Variants in AGBL1 observed in about 807,000 individuals in gnomAD.
The protein encoded by AGBL1 is cytosolic carboxypeptidase 4.
AGBL1 carries 130 observed loss-of-function variants against 118.9 expected under a neutral mutation model. The observed-to-expected ratio is 1.09, with a 90% CI of 0.95 to 1.26. AGBL1 has a LOEUF of 1.26. AGBL1 is among the 50% of genes most tolerant of loss of function. The pLI is 0.00. For missense variants in AGBL1, 1,584 were observed against 1,298.1 expected, an observed-to-expected ratio of 1.22 and a Z score of -3.38; for synonymous variants, 555 against 478.9, an observed-to-expected ratio of 1.16 and a Z score of -2.08.
At chr15:86,193,591 G>A (rs567838324) in intron 5 of AGBL1, among the ~76,000 whole-genome samples, 3 of 152,244 alleles carry the variant, frequency 2.0e-5, no homozygotes. Context: ...GGCACAGAGT[G>A]GGGGACTGCA....
intron 4 of AGBL1, 147 bp downstream of exon 4, chr15:86,154,708 T>C (rs2030858724): frequency 6.5e-6 from 7 of 1,080,778 alleles, no homozygotes; most frequent in Non-Finnish European, 8.8e-6. Context: ...AGACTGACAA[T>C]CCAGAGGCTG....
intron 17 of AGBL1, among the ~76,000 whole-genome samples, chr15:86,362,124 T>C (rs1421884004): frequency 6.6e-6 from 1 of 152,208 alleles, no homozygotes; most frequent in African/African-American, 2.4e-5. Context: ...GAAATGTATG[T>C]AAATTATCTT....
intron 17 of AGBL1, among the ~76,000 whole-genome samples, chr15:86,341,821 G>A (rs974342928): frequency 6.6e-6 from 1 of 152,086 alleles, no homozygotes; most frequent in Non-Finnish European, 1.5e-5. Context: ...TAGGCCACTT[G>A]AGTCATTGCT....
intron 18 of AGBL1, among the ~76,000 whole-genome samples, chr15:86,412,631 G>C (rs1418744423): frequency 6.6e-6 from 1 of 152,154 alleles, no homozygotes; most frequent in Non-Finnish European, 1.5e-5. Flanking sequence ...TAAACTTCAA[G>C]TGCATTTATT....
intron 1 of AGBL1, among the ~76,000 whole-genome samples, chr15:86,112,851 T>A (rs1189897117): frequency 6.6e-6 from 1 of 151,632 alleles, no homozygotes; most frequent in African/African-American, 2.4e-5. Context: ...TGTAACTGAT[T>A]TTTTTTTTAA....
chr15:86,787,340 C>G (rs1235980813), intron 22 of AGBL1, among the ~76,000 whole-genome samples: 1 of 152,060 alleles, frequency 6.6e-6, no homozygotes, highest in African/African-American at 2.4e-5. Flanking sequence ...CATTAGATCT[C>G]TAGACTTATT....
At position 86,258,693 on chromosome 15, in the gene AGBL1, G is replaced by T. The variant is rs145152743; in HGVS notation, c.969+662G>T. 3.9e-5 allele frequency among the ~76,000 whole-genome samples: 6 copies of T among 152,208 alleles called. No homozygotes were observed. The East Asian group carries it at 1.2e-3, about 29-fold the overall frequency. The stretch of plus-strand genomic sequence containing the variant: ...CTATAGACAATTTGTAAACAAATGG[G>T]CATGGCTGTGTTCCAAGAAATTTTT... On this transcript the variant is annotated intron_variant, in intron 9 of 22. Coordinates refer to ENST00000614907, the MANE Select transcript of AGBL1 (RefSeq NM_001386094.1).
At chr15:86,234,925 C>T (rs1220084021) in intron 6 of AGBL1, among the ~76,000 whole-genome samples, 5 of 152,038 alleles carry the variant, frequency 3.3e-5, no homozygotes, top group East Asian at 3.9e-4. Context: ...AGATCTTCCC[C>T]GAGGGTTGAA....
chr15:86,671,294 A>G (rs2085742472), intron 21 of AGBL1, among the ~76,000 whole-genome samples: 1 of 152,132 alleles, frequency 6.6e-6, no homozygotes, highest in Non-Finnish European at 1.5e-5. Context: ...AAACAGGAGA[A>G]TGGCAGATAG....
intron 22 of AGBL1, among the ~76,000 whole-genome samples, chr15:86,739,210 A>G (rs9302342): frequency 0.83 from 126,322 of 151,938 alleles, 52,704 homozygotes; most frequent in East Asian, 0.93. Context: ...TTGGGAGGCC[A>G]AGGCAGGCAG....
intron 6 of AGBL1, among the ~76,000 whole-genome samples, chr15:86,244,524 G>GT (rs2078690189): frequency 7.2e-6 from 1 of 139,396 alleles, no homozygotes; most frequent in Non-Finnish European, 1.6e-5. Context: ...GTGTAGGGTC[G>GT]CGGGGGAAGG....
intron 17 of AGBL1, among the ~76,000 whole-genome samples, chr15:86,391,864 C>T (rs1172861513): frequency 1.3e-5 from 2 of 152,060 alleles, no homozygotes; most frequent in African/African-American, 4.8e-5. Flanking sequence ...TTTGCAAATA[C>T]GTCTACTTAG....
At chr15:86,733,593 A>G (rs2077556134) in intron 22 of AGBL1, among the ~76,000 whole-genome samples, 1 of 152,086 alleles carries the variant, frequency 6.6e-6, no homozygotes, top group African/African-American at 2.4e-5. Flanking sequence ...TATTATTCCC[A>G]GTGGTTTGTT....
chr15:86,753,626 G>A (rs1163633148), intron 22 of AGBL1, among the ~76,000 whole-genome samples: 1 of 151,950 alleles, frequency 6.6e-6, no homozygotes, highest in Non-Finnish European at 1.5e-5. Context: ...TTGAACTTCT[G>A]ATCTCAGGTG....
chr15:86,889,137 C>G (rs1470373635), intron 22 of AGBL1, among the ~76,000 whole-genome samples: 1 of 151,860 alleles, frequency 6.6e-6, no homozygotes, highest in East Asian at 1.9e-4. Flanking sequence ...CTGACCTTTC[C>G]CATGCCATAG....
intron 22 of AGBL1, among the ~76,000 whole-genome samples, chr15:86,727,025 A>G (rs1338111338): frequency 3.3e-5 from 5 of 152,190 alleles, no homozygotes; most frequent in Non-Finnish European, 7.3e-5. Context: ...AAGGATATTA[A>G]AATGCAGAAC....
intron 18 of AGBL1, among the ~76,000 whole-genome samples, chr15:86,478,111 C>G (rs1042487751): frequency 1.3e-5 from 2 of 152,058 alleles, no homozygotes; most frequent in Non-Finnish European, 2.9e-5. Context: ...TATGACAAAC[C>G]CACAGCCAAT....
At chr15:86,962,189 A>G (rs192119050) in intron 23 of AGBL1, among the ~76,000 whole-genome samples, 57 of 152,086 alleles carry the variant, frequency 3.7e-4, no homozygotes, top group African/African-American at 1.3e-3. Flanking sequence ...TTATAAATAC[A>G]CATGTAGACA....
intron 17 of AGBL1, among the ~76,000 whole-genome samples, chr15:86,336,844 G>A (rs115460541): frequency 1.3e-5 from 2 of 152,168 alleles, no homozygotes; most frequent in Non-Finnish European, 2.9e-5. Context: ...AGGTGCTAGA[G>A]GCAAGCTCCT....
Sources: gnomAD v4.1 joint callset for allele counts (sites outside exome capture counted in the v4.1 genomes callset) on GRCh38, gnomAD v4.1.1 for gene constraint, MANE v1.5 for transcripts, NCBI Gene and HGNC (gene_info 2026-07-23, HGNC 2026-07-21) for gene names.